Variants in LRRTM4 observed in about 807,000 individuals in gnomAD.
LRRTM4 encodes the protein leucine rich repeat transmembrane neuronal 4, also known as leucine-rich repeat transmembrane neuronal protein 4.
Under a neutral mutation model 47.6 loss-of-function variants are expected in LRRTM4, and 25 were observed. That is an observed-to-expected ratio of 0.53 (90% CI 0.38 to 0.73). The LOEUF (loss-of-function observed/expected upper bound fraction) is 0.73, where lower values mean the gene tolerates loss of function less well. LRRTM4 is among the 30% of genes least tolerant of loss of function. LRRTM4 has a pLI of 0.00. For missense variants in LRRTM4, 638 were observed against 713.4 expected, an observed-to-expected ratio of 0.89 and a Z score of 1.20; for synonymous variants, 311 against 269.5, an observed-to-expected ratio of 1.15 and a Z score of -1.51.
intron 3 of LRRTM4, among the ~76,000 whole-genome samples, chr2:77,431,686 G>A (rs1675381576): frequency 6.7e-6 from 1 of 149,176 alleles, no homozygotes; most frequent in Admixed American, 6.6e-5. Flanking sequence ...GGGAATCTGT[G>A]AAATCAAATA....
At chr2:76,750,296 T>A (rs1478633468) in intron 3 of LRRTM4, among the ~76,000 whole-genome samples, 1 of 152,202 alleles carries the variant, frequency 6.6e-6, no homozygotes, top group Non-Finnish European at 1.5e-5. Context: ...CCAGAGAGAT[T>A]TGAGGTTCAT....
intron 3 of LRRTM4, among the ~76,000 whole-genome samples, chr2:77,415,556 A>C (rs952398525): frequency 2.0e-5 from 3 of 152,136 alleles, no homozygotes; most frequent in African/African-American, 7.2e-5. Flanking sequence ...GACTCTATGG[A>C]AACTTTTGCA....
At chr2:77,140,813 A>G (rs1242756794) in intron 3 of LRRTM4, among the ~76,000 whole-genome samples, 1 of 152,226 alleles carries the variant, frequency 6.6e-6, no homozygotes, top group Non-Finnish European at 1.5e-5. Context: ...TGGGTGAAGG[A>G]TATGAACAGA....
chr2:77,434,116 G>A (rs987295124), intron 3 of LRRTM4, among the ~76,000 whole-genome samples: 10 of 152,038 alleles, frequency 6.6e-5, no homozygotes, highest in African/African-American at 2.4e-4. Flanking sequence ...TTCCCACAGT[G>A]ATAAAATTAA....
At chr2:77,204,596 C>T (rs556835464) in intron 3 of LRRTM4, among the ~76,000 whole-genome samples, 6 of 152,204 alleles carry the variant, frequency 3.9e-5, no homozygotes, top group African/African-American at 1.4e-4. Flanking sequence ...GGAAGTCTTC[C>T]CTATCATGCT....
chr2:76,807,463 T>TACACAC lies in LRRTM4; in HGVS notation c.1552-58548_1552-58547insGTGTGT, dbSNP rs1436867788. On this transcript the variant is annotated intron_variant, in intron 3 of 3. Coordinates refer to ENST00000409884, the MANE Select transcript of LRRTM4 (RefSeq NM_001134745.3). ...GTATATACATATATATATATACATATATATATACATATATATATATATACA... is the reference window on the plus strand; with the variant it reads ...GTATATACATATATATATATACATATACACACATATATACATATATATATATATACA... 1.2e-4 allele frequency among the ~76,000 whole-genome samples: 12 copies of TACACAC among 99,500 alleles called. No homozygotes were observed. The South Asian group carries it at 2.1e-3, about 18-fold the overall frequency. The allele number at this position is 99,500 out of a possible 152,430, so 65.3% of individuals were successfully genotyped here.
intron 3 of LRRTM4, among the ~76,000 whole-genome samples, chr2:76,847,553 T>A (rs1671872468): frequency 6.6e-6 from 1 of 152,068 alleles, no homozygotes; most frequent in African/African-American, 2.4e-5. Flanking sequence ...AGTCTAGGTT[T>A]CTTTAAACAC....
intron 3 of LRRTM4, among the ~76,000 whole-genome samples, chr2:76,795,575 ATATGC>A (rs1675247731): frequency 8.5e-6 from 1 of 118,182 alleles, no homozygotes; most frequent in South Asian, 3.0e-4. Flanking sequence ...ATGTGCATAT[ATATGC>A]ACACACACAC....
intron 3 of LRRTM4, among the ~76,000 whole-genome samples, chr2:77,174,323 G>C (rs535102209): frequency 1.3e-4 from 20 of 152,284 alleles, no homozygotes; most frequent in Non-Finnish European, 2.5e-4. Flanking sequence ...GAGCCACACG[G>C]ACATTATTCA....
chr2:77,060,203 A>G (rs1238363819), intron 3 of LRRTM4, among the ~76,000 whole-genome samples: 1 of 152,214 alleles, frequency 6.6e-6, no homozygotes, highest in Non-Finnish European at 1.5e-5. Flanking sequence ...GCCTTAATTT[A>G]TAACATATAT....
intron 3 of LRRTM4, among the ~76,000 whole-genome samples, chr2:77,397,808 C>T (rs1009236106): frequency 4.6e-5 from 7 of 151,728 alleles, no homozygotes; most frequent in Non-Finnish European, 2.9e-5. Context: ...TTTTCCACAC[C>T]CCTTGATAAT....
chr2:77,505,439 G>T (rs1005179506), intron 3 of LRRTM4, among the ~76,000 whole-genome samples: 1 of 151,366 alleles, frequency 6.6e-6, no homozygotes, highest in Non-Finnish European at 1.5e-5. Context: ...CCACATGCTA[G>T]TATAGGTACA....
At chr2:77,300,621 G>A (rs1677110853) in intron 3 of LRRTM4, among the ~76,000 whole-genome samples, 1 of 152,158 alleles carries the variant, frequency 6.6e-6, no homozygotes, top group South Asian at 2.1e-4. Context: ...TACAGCTGCT[G>A]TAAATCATGT....
intron 3 of LRRTM4, among the ~76,000 whole-genome samples, chr2:77,501,529 A>G (rs1678570857): frequency 6.6e-6 from 1 of 151,044 alleles, no homozygotes; most frequent in Admixed American, 6.6e-5. Flanking sequence ...AAAAAGCATG[A>G]GACTATTAGA....
chr2:77,145,699 G>A (rs920816987), intron 3 of LRRTM4, among the ~76,000 whole-genome samples: 16 of 151,792 alleles, frequency 1.1e-4, no homozygotes, highest in South Asian at 2.1e-4. Context: ...GCGTGAACCC[G>A]GGAGGCGGAG....
chr2:76,856,383 A>G (rs1672151276), intron 3 of LRRTM4, among the ~76,000 whole-genome samples: 1 of 152,188 alleles, frequency 6.6e-6, no homozygotes, highest in African/African-American at 2.4e-5. Flanking sequence ...TATAATATCC[A>G]CTATGGTTGA....
chr2:77,069,406 TG>T (rs1680073476), intron 3 of LRRTM4, among the ~76,000 whole-genome samples: 2 of 135,532 alleles, frequency 1.5e-5, no homozygotes, highest in Non-Finnish European at 3.1e-5. Flanking sequence ...TCACTATGTG[TG>T]TGTGTGTGTG....
chr2:77,422,513 G>A (rs1190236929), intron 3 of LRRTM4, among the ~76,000 whole-genome samples: 1 of 152,052 alleles, frequency 6.6e-6, no homozygotes, highest in African/African-American at 2.4e-5. Context: ...AGTAATACGA[G>A]GCAATGTGAC....
intron 3 of LRRTM4, among the ~76,000 whole-genome samples, chr2:76,906,882 C>T (rs1222856017): frequency 1.3e-5 from 2 of 151,266 alleles, no homozygotes; most frequent in Non-Finnish European, 2.9e-5. Context: ...ACTTAGACTC[C>T]CACACAATAA....
Sources: gnomAD v4.1 joint callset for allele counts (sites outside exome capture counted in the v4.1 genomes callset) on GRCh38, gnomAD v4.1.1 for gene constraint, MANE v1.5 for transcripts, NCBI Gene and HGNC (gene_info 2026-07-23, HGNC 2026-07-21) for gene names.